Variants in KITLG observed in about 807,000 individuals in gnomAD.
KITLG encodes the protein c-Kit ligand.
Under a neutral mutation model 34.1 loss-of-function variants are expected in KITLG, and 13 were observed. The ratio of observed to expected loss-of-function variants is 0.38; its 90% CI spans 0.25 to 0.61. KITLG has a LOEUF of 0.61. KITLG is among the 20% of genes least tolerant of loss of function. The pLI is 0.60. For synonymous variants in KITLG, 110 were observed against 104.0 expected (o/e 1.06, Z -0.35); for missense variants, 292 against 318.9 (o/e 0.92, Z 0.64).
intron 9 of KITLG, 23 bp from the exon 10 acceptor site, chr12:88,497,204 G>A: frequency 2.3e-6 from 1 of 433,458 alleles, no homozygotes; most frequent in African/African-American, 2.0e-5. Flanking sequence ...GAAGAAAAGA[G>A]AGATTATGGT....
In KITLG at chr12:88,516,521, A is replaced by T. The variant is rs766261090; in HGVS notation, c.364-31T>A. ...AGAAAAAATAGGATTACATTTTTCAAATAGTCTTCAGACTTAACTGAGGTG... is the reference window on the plus strand; with the variant it reads ...AGAAAAAATAGGATTACATTTTTCATATAGTCTTCAGACTTAACTGAGGTG... On this transcript the variant is annotated intron_variant, in intron 4 of 9. Transcript: ENST00000644744. The T allele has an allele frequency of 2.7e-6, 4 of 1,483,066 alleles. No individual in the cohort carries two copies. In the South Asian group the frequency reaches 4.7e-5, roughly 17 times the overall value. The allele number at this position is 1,483,066 out of a possible 1,614,324, so 91.9% of individuals were successfully genotyped here. A position where few individuals can be genotyped will look rare whatever the true frequency, so the allele number is the denominator to read the frequency against.
intron 1 of KITLG, among the ~76,000 whole-genome samples, chr12:88,570,091 ATCTT>A (rs1486660048): frequency 2.0e-5 from 3 of 152,226 alleles, no homozygotes; most frequent in Admixed American, 6.5e-5. Flanking sequence ...TTTCTGAAGT[ATCTT>A]TCTATTTCCA....
rs759455178 is a variant in KITLG, at chr12:88,505,467, A to G, written c.783-232T>C. ...TTTCTTTCTCTGTATATGCATATAC[A>G]CATACCAAGCATGCCTATATGCATT... On this transcript the variant is annotated intron_variant, in intron 8 of 9. Coordinates refer to ENST00000644744, the MANE Select transcript of KITLG (RefSeq NM_000899.5). Among the ~76,000 whole-genome samples the G allele has an allele frequency of 8.5e-4, 129 of 152,218 alleles. 1 individual carries two copies. The highest frequency in any genetic ancestry group is 2.1e-4 in the Non-Finnish European group (14 of 68,038).
At chr12:88,518,430 T>C (rs532487770) in intron 4 of KITLG, among the ~76,000 whole-genome samples, 1 of 152,160 alleles carries the variant, frequency 6.6e-6, no homozygotes, top group East Asian at 1.9e-4. Flanking sequence ...AGAATAAAGA[T>C]AAAGGCAGGA....
intron 4 of KITLG, among the ~76,000 whole-genome samples, chr12:88,517,772 G>A (rs145326644): frequency 6.6e-6 from 1 of 152,224 alleles, no homozygotes; most frequent in African/African-American, 2.4e-5. Flanking sequence ...AGTATGGTAA[G>A]AATTATAAGA....
intron 6 of KITLG, among the ~76,000 whole-genome samples, chr12:88,508,768 A>G (rs1285613778): frequency 1.3e-5 from 2 of 152,128 alleles, no homozygotes; most frequent in African/African-American, 4.8e-5. Context: ...TTGGAGCCCA[A>G]TGTGAATTTT....
At chr12:88,500,089 A>C (rs1366777835) in intron 9 of KITLG, among the ~76,000 whole-genome samples, 1 of 152,198 alleles carries the variant, frequency 6.6e-6, no homozygotes. Context: ...CTTTCTTCTC[A>C]GCATTTAACT....
intron 1 of KITLG, among the ~76,000 whole-genome samples, chr12:88,557,859 T>C (rs1054541708): frequency 1.2e-4 from 19 of 152,080 alleles, no homozygotes; most frequent in Non-Finnish European, 1.5e-4. Flanking sequence ...ACTACCCTGA[T>C]GTACAAGAAT....
At chr12:88,523,309 G>A (rs2120857592) in intron 3 of KITLG, among the ~76,000 whole-genome samples, 1 of 152,278 alleles carries the variant, frequency 6.6e-6, no homozygotes, top group South Asian at 2.1e-4. Flanking sequence ...GTAGTGAAGT[G>A]TCTCGTTCCA....
chr12:88,518,831 AT>A lies in KITLG; in HGVS notation c.228del (p.Gln76HisfsTer6). Reference protein sequence around the residue: ...SHCWISEMVVQLSDSLTDLLD... With the variant: ...SHCWISEMVVXLSDSLTDLLD... ...AGAAGATCAGTCAAGCTGTCTGACA[AT>A]TGTACTACCATCTCGCTTATCCAAC... is the stretch of plus-strand genomic sequence containing the variant. On this transcript the variant is annotated frameshift_variant, in exon 4 of 10. Coordinates refer to ENST00000644744, the MANE Select transcript of KITLG (RefSeq NM_000899.5). LOFTEE classifies it high-confidence loss of function. 6.2e-7 allele frequency: 1 copy of A among 1,613,692 alleles called. No homozygotes were observed. The highest frequency in any genetic ancestry group is 8.5e-7 in the Non-Finnish European group (1 of 1,179,782).
chr12:88,559,829 T>G (rs1566034361), intron 1 of KITLG, among the ~76,000 whole-genome samples: 2 of 152,180 alleles, frequency 1.3e-5, no homozygotes, highest in African/African-American at 4.8e-5. Flanking sequence ...TGGGACAAGT[T>G]CCTCTGGTAA....
At chr12:88,528,450 T>C (rs990366207) in intron 3 of KITLG, among the ~76,000 whole-genome samples, 8 of 152,024 alleles carry the variant, frequency 5.3e-5, no homozygotes, top group African/African-American at 1.9e-4. Flanking sequence ...AAAATGAAAA[T>C]TCCAATCCTA....
intron 1 of KITLG, among the ~76,000 whole-genome samples, chr12:88,567,368 A>T (rs548882524): frequency 6.6e-6 from 1 of 152,186 alleles, no homozygotes; most frequent in South Asian, 2.1e-4. Context: ...ATAAAACAGG[A>T]GCTGTTTTCT....
At chr12:88,544,718 T>A (rs1186540753) in intron 2 of KITLG, among the ~76,000 whole-genome samples, 2 of 152,154 alleles carry the variant, frequency 1.3e-5, no homozygotes. Flanking sequence ...TGTGTGTTTC[T>A]AATTCTATAT....
intron 3 of KITLG, among the ~76,000 whole-genome samples, chr12:88,527,134 C>G (rs370944139): frequency 1.3e-5 from 2 of 152,230 alleles, no homozygotes; most frequent in African/African-American, 4.8e-5. Context: ...TCCCAAAATG[C>G]TGAGATTACA....
chr12:88,574,639 C>G (rs1871770732), intron 1 of KITLG, among the ~76,000 whole-genome samples: 1 of 152,192 alleles, frequency 6.6e-6, no homozygotes, highest in South Asian at 2.1e-4. Flanking sequence ...TGATTCTCCC[C>G]TCAGTGCTCT....
intron 1 of KITLG, among the ~76,000 whole-genome samples, chr12:88,558,773 T>C (rs1871187242): frequency 6.6e-6 from 1 of 152,194 alleles, no homozygotes; most frequent in African/African-American, 2.4e-5. Flanking sequence ...ATGTGATTAT[T>C]AGGTACTCTA....
chr12:88,539,157 G>C (rs567467016), intron 2 of KITLG, among the ~76,000 whole-genome samples: 1 of 152,160 alleles, frequency 6.6e-6, no homozygotes, highest in Admixed American at 6.5e-5. Flanking sequence ...AAAAACCTTT[G>C]GATCTCATGG....
At chr12:88,574,336 G>A (rs918622365) in intron 1 of KITLG, among the ~76,000 whole-genome samples, 2 of 152,056 alleles carry the variant, frequency 1.3e-5, no homozygotes, top group African/African-American at 2.4e-5. Context: ...CTAGCTGCTG[G>A]GTTTGCTCCA....
Sources: gnomAD v4.1 joint callset for allele counts (sites outside exome capture counted in the v4.1 genomes callset) on GRCh38, gnomAD v4.1.1 for gene constraint, MANE v1.5 for transcripts, NCBI Gene and HGNC (gene_info 2026-07-23, HGNC 2026-07-21) for gene names.